Variants in MPST observed in about 807,000 individuals in gnomAD.
The protein encoded by MPST is 3-mercaptopyruvate sulfurtransferase.
A neutral mutation model predicts 28.5 loss-of-function variants in MPST; 27 were observed. The observed-to-expected ratio is 0.95, with a 90% CI of 0.70 to 1.31. MPST has a LOEUF of 1.31. MPST is among the 50% of genes most tolerant of loss of function. MPST has a pLI of 0.00. For synonymous variants in MPST, 204 were observed against 209.3 expected, an observed-to-expected ratio of 0.97 and a Z score of 0.22; for missense variants, 492 against 471.1, an observed-to-expected ratio of 1.04 and a Z score of -0.41.
chr22:37,024,086 A>G (rs1235188609), intron 1 of MPST, 106 bp from the exon 2 acceptor site: 3 of 1,263,742 alleles, frequency 2.4e-6, no homozygotes, highest in East Asian at 3.2e-5. Flanking sequence ...TCTGCCCTGC[A>G]CGGGCCGCAC....
chr22:37,020,954 T>G (rs1358201582), intron 1 of MPST, among the ~76,000 whole-genome samples: 2 of 150,228 alleles, frequency 1.3e-5, no homozygotes, highest in African/African-American at 4.9e-5. Context: ...CCACCATCCC[T>G]GGCCTCATCC....
At chr22:37,023,991 T>G in intron 1 of MPST, 1 of 1,423,152 alleles carries the variant, frequency 7.0e-7, no homozygotes, top group Non-Finnish European at 9.3e-7. Context: ...GAGCTTGTGT[T>G]TATATGAGGC....
chr22:37,029,577 C>T lies in MPST; in HGVS notation c.*63C>T. 1 of 1,464,016 alleles carries T rather than the reference C, an allele frequency of 6.8e-7. No individual in the cohort carries two copies. 90.7% of individuals were successfully genotyped at this position (1,464,016 alleles called of 1,614,324 possible). A position where few individuals can be genotyped will look rare whatever the true frequency, so the allele number is the denominator to read the frequency against. On this transcript the variant is annotated 3_prime_UTR_variant, in exon 3 of 3. Transcript: ENST00000429360. The stretch of plus-strand genomic sequence containing the variant: ...CCACCAGCAATGCCTGGCCTGGTAG[C>T]TCCGCTTCTGCTTTCACCAAGAGAG...
chr22:37,027,468 T>C (rs1253274072), intron 2 of MPST: 5 of 152,192 alleles, frequency 3.3e-5, no homozygotes, highest in African/African-American at 1.2e-4. Flanking sequence ...CTCCTACCTA[T>C]AATCCTCACA....
rs766294305 is a variant in MPST, at chr22:37,024,922, CCTTTCCTTTTTT to C, written c.655+122_655+133del. On this transcript the variant is annotated intron_variant, in intron 2 of 2. Coordinates refer to ENST00000429360, the MANE Select transcript of MPST (RefSeq NM_021126.8). ...TTTTTAATTTATCTTGCTTTCATTT[CCTTTCCTTTTTT>C]CTTTCCTTTCCTTCCCTTTCCCTTC... 45 of 1,541,254 alleles carry C rather than the reference CCTTTCCTTTTTT, an allele frequency of 2.9e-5. No homozygotes were observed. The East Asian group carries it at 9.5e-4, about 33-fold the overall frequency.
chr22:37,024,318 T>G lies in MPST; in HGVS notation c.163T>G (p.Ser55Ala), dbSNP rs1923312042. ...AGQPLQLLDA[S>A]WYLPKLGRDA... ...GCAGCCTCTGCAGCTGCTGGACGCC[T>G]CCTGGTACCTGCCGAAGCTGGGGCG... The change falls in exon 2 of 3, where the codon TCC (serine) becomes GCC (alanine). Residue 55 changes from serine (S) to alanine (A), a missense_variant. Ser to Ala is a moderately conservative substitution (Grantham distance 99). Coordinates refer to ENST00000429360, the MANE Select transcript of MPST (RefSeq NM_021126.8). 5.9e-6 allele frequency: 9 copies of G among 1,534,826 alleles called. No individual in the cohort carries two copies. Among genetic ancestry groups the G allele is most frequent in the Non-Finnish European group, 7.9e-6 (9 of 1,143,556 alleles).
intron 2 of MPST, chr22:37,026,668 C>G (rs1049152725): frequency 3.9e-5 from 6 of 152,178 alleles, no homozygotes; most frequent in Admixed American, 3.9e-4. Context: ...AGAGTTTGTT[C>G]CTCCTCCTTG....
At chr22:37,024,016 C>A in intron 1 of MPST, 176 bp from the exon 2 acceptor site, 1 of 1,313,978 alleles carries the variant, frequency 7.6e-7, no homozygotes, top group Non-Finnish European at 1.0e-6. Flanking sequence ...CAGAGGGAGG[C>A]CCCTGGCTAC....
intron 1 of MPST, among the ~76,000 whole-genome samples, chr22:37,022,796 G>C (rs1923170884): frequency 6.6e-6 from 1 of 152,244 alleles, no homozygotes; most frequent in Non-Finnish European, 1.5e-5. Context: ...ACTGCATGCA[G>C]TGGGTGTCAA....
At chr22:37,025,261 C>A in intron 2 of MPST, 4 of 877,788 alleles carry the variant, frequency 4.6e-6, no homozygotes, top group Non-Finnish European at 6.1e-6. Flanking sequence ...GTTGCCCAAA[C>A]AGCTCTCAAT....
chr22:37,024,501 C>T lies in MPST; in HGVS notation c.346C>T (p.His116Tyr). The change falls in exon 2 of 3, where the codon CAC (histidine) becomes TAC (tyrosine). Residue 116 changes from histidine to tyrosine, a missense_variant. Transcript: ENST00000429360. The part of the protein sequence containing the change: ...AGRLGVGAAT[H>Y]VVIYDASDQG... ...CCGCCTGGGCGTGGGCGCGGCCACC[C>T]ACGTCGTGATCTACGACGCCAGCGA... is the stretch of plus-strand genomic sequence containing the variant. 1.3e-6 allele frequency: 2 copies of T among 1,563,324 alleles called. No individual in the cohort carries two copies. Among genetic ancestry groups the T allele is most frequent in the Non-Finnish European group, 1.7e-6 (2 of 1,158,270 alleles).
intron 1 of MPST, among the ~76,000 whole-genome samples, chr22:37,022,543 C>G (rs773632219): frequency 6.6e-6 from 1 of 152,178 alleles, no homozygotes; most frequent in African/African-American, 2.4e-5. Flanking sequence ...AGGCCCTGGT[C>G]ATCATGGCAC....
chr22:37,024,343 G>A lies in MPST; in HGVS notation c.188G>A (p.Arg63His), dbSNP rs967694060. The change falls in exon 2 of 3, where the codon CGC (arginine) becomes CAC (histidine). Residue 63 changes from arginine (R) to histidine (H), a missense_variant. By Grantham distance (29) the Arg-to-His change is conservative. Coordinates refer to ENST00000429360, the MANE Select transcript of MPST (RefSeq NM_021126.8). ...TCCTGGTACCTGCCGAAGCTGGGGC[G>A]CGACGCGCGACGCGAGTTCGAGGAG... ...DASWYLPKLG[R>H]DARREFEERH... is the part of the protein sequence containing the mutation. 23 of 1,539,520 alleles carry A rather than the reference G, an allele frequency of 1.5e-5. No individual in the cohort carries two copies. Among genetic ancestry groups the A allele is most frequent in the South Asian group, 2.4e-5 (2 of 83,532 alleles).
chr22:37,027,578 A>T (rs1923618168), intron 2 of MPST: 1 of 152,178 alleles, frequency 6.6e-6, no homozygotes, highest in African/African-American at 2.4e-5. Context: ...ATTAAAAGTA[A>T]CAGTAAAAAA....
intron 2 of MPST, 120 bp from the exon 3 acceptor site, chr22:37,029,096 T>C: frequency 1.1e-6 from 1 of 881,256 alleles, no homozygotes; most frequent in Admixed American, 2.8e-5. Flanking sequence ...AGATGGTGGA[T>C]ATAAAGGATT....
At chr22:37,023,713 A>G in intron 1 of MPST, 1 of 1,082,742 alleles carries the variant, frequency 9.2e-7, no homozygotes, top group South Asian at 1.9e-5. Flanking sequence ...AGTGGTACCC[A>G]GCAAGGACTC....
chr22:37,023,819 C>G, intron 1 of MPST: 1 of 1,260,162 alleles, frequency 7.9e-7, no homozygotes. Context: ...CAAATAAAGC[C>G]GAGCTGCATC....
rs191902224 is a variant in MPST at position 37,024,342 on chromosome 22, C to A, written c.187C>A (p.Arg63Ser). Residue 63 changes from arginine to serine, a missense_variant, in exon 2 of 3, where the codon CGC becomes AGC. Transcript: ENST00000429360. ...CTCCTGGTACCTGCCGAAGCTGGGG[C>A]GCGACGCGCGACGCGAGTTCGAGGA... ...DASWYLPKLGRDARREFEERH... is the reference protein window; with the variant it reads ...DASWYLPKLGSDARREFEERH... 30 of 1,539,076 alleles carry A rather than the reference C, an allele frequency of 1.9e-5. No individual in the cohort carries two copies. Among genetic ancestry groups the A allele is most frequent in the Middle Eastern group, 3.4e-4 (2 of 5,954 alleles).
chr22:37,024,493 C>A lies in MPST; in HGVS notation c.338C>A (p.Ala113Glu). 1 of 1,559,848 alleles carries A rather than the reference C, an allele frequency of 6.4e-7. No individual in the cohort carries two copies. Among genetic ancestry groups the A allele is most frequent in the Non-Finnish European group, 8.7e-7 (1 of 1,156,010 alleles). ...AEYAGRLGVG[A>E]ATHVVIYDAS... ...TACGCAGGCCGCCTGGGCGTGGGCG[C>A]GGCCACCCACGTCGTGATCTACGAC... The change falls in exon 2 of 3, where the codon GCG becomes GAG. Residue 113 changes from alanine to glutamate, a missense_variant. Coordinates refer to ENST00000429360, the MANE Select transcript of MPST (RefSeq NM_021126.8).
Sources: allele counts gnomAD v4.1 joint callset (sites outside exome capture counted in the v4.1 genomes callset), GRCh38; gene constraint gnomAD v4.1.1; transcripts MANE v1.5; gene names NCBI Gene and HGNC (gene_info 2026-07-23, HGNC 2026-07-21).